The following BAHCC1 variants were observed in gnomAD, a reference collection of about 807,000 sequenced individuals.
BAHCC1 encodes BAH domain and coiled-coil containing 1.
A neutral mutation model predicts 88.2 loss-of-function variants in BAHCC1; 43 were observed. The ratio of observed to expected loss-of-function variants is 0.49; its 90% confidence interval spans 0.38 to 0.63. The LOEUF is 0.63. Among genes scored for constraint, BAHCC1 ranks in the 20% least tolerant of loss-of-function variants. The pLI is 0.00. For missense variants in BAHCC1, 3,023 were observed against 1,654.8 expected, an observed-to-expected ratio of 1.83 and a Z score of -14.34; for synonymous variants, 1,510 against 745.5, an observed-to-expected ratio of 2.03 and a Z score of -16.71.
chr17:81,401,072 A>G (rs2063810355), intron 2 of BAHCC1: 1 of 152,266 alleles, frequency 6.6e-6, no homozygotes. Flanking sequence ...AATACTAATA[A>G]AATTATATCT....
In BAHCC1 at chr17:81,411,514, G is replaced by GCCTTCCTGCCTT. The variant is rs2063952562; in HGVS notation, c.178+11604_178+11605insGCCTTCCTTCCT. ...TGCCTGCCTGCCTGCCTGCCTGCCT[G>GCCTTCCTGCCTT]CCTTCCTTCCTTCCTTCCTTCCTTC... is the stretch of plus-strand genomic sequence containing the variant. On this transcript the variant is annotated intron_variant, in intron 2 of 27. Coordinates refer to ENST00000675386, the MANE Select transcript of BAHCC1 (RefSeq NM_001377448.1). The surrounding 1 kb of genome is among the most constrained non-coding windows in gnomAD (Gnocchi z 6.2). 5.9e-6 allele frequency: 1 copy of GCCTTCCTGCCTT among 168,876 alleles called. No homozygotes were observed. Among genetic ancestry groups the GCCTTCCTGCCTT allele is most frequent in the African/African-American group, 5.3e-5 (1 of 18,966 alleles). The allele number at this position is 168,876 out of a possible 1,614,324, so 10.5% of individuals were successfully genotyped here.
chr17:81,419,423 G>T (rs916490173), intron 2 of BAHCC1, among the ~76,000 whole-genome samples: 2 of 152,264 alleles, frequency 1.3e-5, no homozygotes, highest in South Asian at 4.1e-4. Flanking sequence ...GCCAGCAGGG[G>T]GGCTGCTCCT....
Position 81,443,123 on chromosome 17 carries a change from A to G in BAHCC1, c.1774A>G (p.Thr592Ala). The G allele has an allele frequency of 1.3e-6, 1 of 777,844 alleles. No individual in the cohort carries two copies. Among genetic ancestry groups the G allele is most frequent in the Non-Finnish European group, 2.4e-6 (1 of 417,094 alleles). The allele number at this position is 777,844 out of a possible 1,614,324, so 48.2% of individuals were successfully genotyped here. The stretch of plus-strand genomic sequence containing the variant: ...ATGGGGTGTCCAGGCAGGCCAGGGC[A>G]CCGCCATGGCCATCAGCGAGGAGCG... ...PPWGVQAGQG[T>A]AMAISEERKA... The change falls in exon 5 of 28, where the codon ACC becomes GCC. Residue 592 changes from threonine to alanine, a missense_variant. Physicochemically the swap from Thr to Ala is moderately conservative, Grantham distance 58 (BLOSUM62 0). Coordinates refer to ENST00000675386, the MANE Select transcript of BAHCC1 (RefSeq NM_001377448.1).
chr17:81,411,362 G>A lies in BAHCC1; in HGVS notation c.178+11445G>A, dbSNP rs928909469. On this transcript the variant is annotated intron_variant, in intron 2 of 27. Coordinates refer to ENST00000675386, the MANE Select transcript of BAHCC1 (RefSeq NM_001377448.1). The surrounding 1 kb of genome is among the most constrained non-coding windows in gnomAD (Gnocchi z 6.2). ...TGAGGCTGGAGAGACGGGAGGCACC[G>A]GTGCCCTGTGGGTGGGAGCACTGCT... Among the ~76,000 whole-genome samples, 11 of 151,696 alleles carry A rather than the reference G, an allele frequency of 7.3e-5. No individual in the cohort carries two copies. The highest frequency in any genetic ancestry group is 5.9e-4 in the East Asian group (3 of 5,094).
Position 81,443,008 on chromosome 17 carries a change from C to T in BAHCC1, c.1659C>T (p.Ala553=), listed in dbSNP as rs550640334. 56 of 778,558 alleles carry T rather than the reference C, an allele frequency of 7.2e-5. No individual in the cohort carries two copies. Among genetic ancestry groups the T allele is most frequent in the East Asian group, 7.3e-5 (3 of 41,258 alleles). The allele number at this position is 778,558 out of a possible 1,614,324, so 48.2% of individuals were successfully genotyped here. Reference sequence around the variant, plus strand: ...GGCACCAGCAGCACTTGATGGCCGCCGAGGTGGAGCAGGGGGGCATTGGGG... The same window carrying T: ...GGCACCAGCAGCACTTGATGGCCGCTGAGGTGGAGCAGGGGGGCATTGGGG... ...RIRHQQHLMA[A]EVEQGGIGAE... The change falls in exon 5 of 28, where the codon GCC becomes GCT. Residue 553 remains alanine, a synonymous_variant. Transcript: ENST00000675386.
chr17:81,445,373 A>G lies in BAHCC1; in HGVS notation c.2855A>G (p.His952Arg). The G allele has an allele frequency of 2.6e-6, 2 of 776,308 alleles. No individual in the cohort carries two copies. The highest frequency in any genetic ancestry group is 4.8e-6 in the Non-Finnish European group (2 of 416,894). 48.1% of individuals were successfully genotyped at this position (776,308 alleles called of 1,614,324 possible). Residue 952 changes from histidine to arginine, a missense_variant, in exon 10 of 28, where the codon CAC becomes CGC. By Grantham distance (29) the His-to-Arg change is conservative. Transcript: ENST00000675386. ...AQFQRKPEDQ[H>R]LDLEEPAQEK... is the part of the protein sequence containing the mutation. ...TGACAGCGGAAGCCCGAAGACCAGC[A>G]CCTGGATCTGGAGGAGCCCGCCCAG... is the stretch of plus-strand genomic sequence containing the variant.
In BAHCC1 at chr17:81,461,804, A is replaced by G; in HGVS notation, c.7141A>G (p.Ser2381Gly). ...GCCCGAGGCCCTGCGCTCCAAGGGCAGCGGCCCTCACGCGCATGCCCAGCG... is the reference window on the plus strand; with the variant it reads ...GCCCGAGGCCCTGCGCTCCAAGGGCGGCGGCCCTCACGCGCATGCCCAGCG... ...AQPEALRSKG[S>G]GPHAHAQRCF... Residue 2381 changes from serine to glycine, a missense_variant, in exon 26 of 28, where the codon AGC becomes GGC. Ser to Gly is a moderately conservative substitution (Grantham distance 56). Transcript: ENST00000675386. 1.4e-6 allele frequency: 1 copy of G among 716,424 alleles called. No homozygotes were observed. Among genetic ancestry groups the G allele is most frequent in the Non-Finnish European group, 2.6e-6 (1 of 384,346 alleles). 44.4% of individuals were successfully genotyped at this position (716,424 alleles called of 1,614,324 possible).
In BAHCC1 at chr17:81,465,676, T is replaced by G. The variant is rs1394276052; in HGVS notation, c.*1859T>G. On this transcript the variant is annotated 3_prime_UTR_variant, in exon 28 of 28. Transcript: ENST00000675386. Reference sequence around the variant, plus strand: ...AATCCCAGGTCCCCTTGGCCCCCTATTTTTCTCGGGCCCATTGGGGCCTGT... The same window carrying G: ...AATCCCAGGTCCCCTTGGCCCCCTAGTTTTCTCGGGCCCATTGGGGCCTGT... 3 of 152,252 alleles carry G rather than the reference T, an allele frequency of 2.0e-5. No individual in the cohort carries two copies. Among genetic ancestry groups the G allele is most frequent in the East Asian group, 3.9e-4 (2 of 5,186 alleles). 9.4% of individuals were successfully genotyped at this position (152,252 alleles called of 1,614,324 possible). A position where few individuals can be genotyped will look rare whatever the true frequency, so the allele number is the denominator to read the frequency against.
rs149499666 is a variant in BAHCC1 at position 81,438,085 on chromosome 17, G to A, written c.359-285G>A. 3.3e-3 allele frequency among the ~76,000 whole-genome samples: 508 copies of A among 152,334 alleles called. 6 individuals carry two copies. The highest frequency in any genetic ancestry group is 0.012 in the African/African-American group (480 of 41,584). On this transcript the variant is annotated intron_variant, in intron 3 of 27. Coordinates refer to ENST00000675386, the MANE Select transcript of BAHCC1 (RefSeq NM_001377448.1). ...TTTGTTGCCCAGCCTGGGAGCTTCCGCGATCCTGAGTGCTGCTAGGAGGGA... is the reference window on the plus strand; with the variant it reads ...TTTGTTGCCCAGCCTGGGAGCTTCCACGATCCTGAGTGCTGCTAGGAGGGA...
At chr17:81,410,152 C>T (rs1289663297) in intron 2 of BAHCC1, 2 of 257,326 alleles carry the variant, frequency 7.8e-6, no homozygotes, top group Admixed American at 9.0e-5. Context: ...TGTGGCCGTC[C>T]GTGTCACCTG....
At chr17:81,423,118 C>T (rs1218488305) in intron 2 of BAHCC1, among the ~76,000 whole-genome samples, 1 of 152,162 alleles carries the variant, frequency 6.6e-6, no homozygotes, top group East Asian at 1.9e-4. Context: ...GCTCCACAGT[C>T]CCTTGGGCCG....
At chr17:81,429,783 G>C (rs1356630769) in intron 3 of BAHCC1, among the ~76,000 whole-genome samples, 1 of 152,204 alleles carries the variant, frequency 6.6e-6, no homozygotes, top group Admixed American at 6.5e-5. Flanking sequence ...TTCGTTGAGG[G>C]TAGGTAGGCC....
chr17:81,435,580 C>T lies in BAHCC1; in HGVS notation c.359-2790C>T, dbSNP rs1365462068. ...GGAAGGGGAGGTTCTGGAGCCCCGACGTTCTAGCAGGAGCTTGCAGTTGAG... is the reference window on the plus strand; with the variant it reads ...GGAAGGGGAGGTTCTGGAGCCCCGATGTTCTAGCAGGAGCTTGCAGTTGAG... On this transcript the variant is annotated intron_variant, in intron 3 of 27. Transcript: ENST00000675386. The surrounding 1 kb of genome is among the most constrained non-coding windows in gnomAD (Gnocchi z 4.4). 2 of 448,398 alleles carry T rather than the reference C, an allele frequency of 4.5e-6. No individual in the cohort carries two copies. Among genetic ancestry groups the T allele is most frequent in the Non-Finnish European group, 9.3e-6 (2 of 215,544 alleles). The allele number at this position is 448,398 out of a possible 1,614,324, so 27.8% of individuals were successfully genotyped here.
intron 2 of BAHCC1, among the ~76,000 whole-genome samples, chr17:81,409,907 C>T (rs1295755221): frequency 1.3e-5 from 2 of 152,164 alleles, no homozygotes; most frequent in Non-Finnish European, 2.9e-5. Flanking sequence ...TCTTCAGGCC[C>T]GGGAGAGCAC....
At position 81,461,998 on chromosome 17, in the gene BAHCC1, C is replaced by T; in HGVS notation, c.7335C>T (p.Ala2445=). The part of the protein sequence containing the change: ...PSVENRPKIS[A]FLPARQLWKW... ...TGGAAAACCGGCCAAAGATCTCAGC[C>T]TTCCTGCCCGCCCGGCAGCTCTGGA... Residue 2445 remains alanine (A), a synonymous_variant, in exon 26 of 28, where the codon GCC becomes GCT. Transcript: ENST00000675386. The T allele has an allele frequency of 1.3e-6, 1 of 778,140 alleles. No individual in the cohort carries two copies. The highest frequency in any genetic ancestry group is 1.3e-5 in the South Asian group (1 of 74,204). The allele number at this position is 778,140 out of a possible 1,614,324, so 48.2% of individuals were successfully genotyped here. A position where few individuals can be genotyped will look rare whatever the true frequency, so the allele number is the denominator to read the frequency against.
chr17:81,437,390 T>A (rs2064351238), intron 3 of BAHCC1, among the ~76,000 whole-genome samples: 1 of 152,140 alleles, frequency 6.6e-6, no homozygotes, highest in Non-Finnish European at 1.5e-5. Context: ...GCCAGTGGCC[T>A]GGGGTCTTGC....
Position 81,411,517 on chromosome 17 carries a change from T to TTCCTTCCTTCCTTCCTTCCA in BAHCC1, c.178+11619_178+11620insATCCTTCCTTCCTTCCTTCC, listed in dbSNP as rs1567998077. On this transcript the variant is annotated intron_variant, in intron 2 of 27. Coordinates refer to ENST00000675386, the MANE Select transcript of BAHCC1 (RefSeq NM_001377448.1). This position sits in a 1 kb window ranked among gnomAD's most constrained non-coding sequence, Gnocchi z 6.2. Reference sequence around the variant, plus strand: ...CTGCCTGCCTGCCTGCCTGCCTGCCTTCCTTCCTTCCTTCCTTCCTTCCTT... The same window carrying TTCCTTCCTTCCTTCCTTCCA: ...CTGCCTGCCTGCCTGCCTGCCTGCCTTCCTTCCTTCCTTCCTTCCATCCTTCCTTCCTTCCTTCCTTCCTT... 2.7e-5 allele frequency: 3 copies of TTCCTTCCTTCCTTCCTTCCA among 112,582 alleles called. No individual in the cohort carries two copies. The Admixed American group carries it at 3.8e-4, about 14-fold the overall frequency. The allele number at this position is 112,582 out of a possible 1,614,324, so 7.0% of individuals were successfully genotyped here.
intron 2 of BAHCC1, chr17:81,415,480 G>T (rs1277961280): frequency 4.0e-6 from 2 of 504,270 alleles, no homozygotes; most frequent in East Asian, 1.2e-4. Flanking sequence ...GGAGCCAGCT[G>T]TACCAAAAGC....
In BAHCC1 at chr17:81,444,923, G is replaced by A. The variant is rs551444947; in HGVS notation, c.2672-92G>A. 1.5e-4 allele frequency: 105 copies of A among 685,692 alleles called. 1 individual carries two copies. Among genetic ancestry groups the A allele is most frequent in the Admixed American group, 1.3e-3 (53 of 42,366 alleles). 42.5% of individuals were successfully genotyped at this position (685,692 alleles called of 1,614,324 possible). ...GGCCAGGGCTCAGGAGGGAGCGGTG[G>A]GCTTGGTGGGCTGAGGAAAGGGTGG... On this transcript the variant is annotated intron_variant, in intron 8 of 27. Coordinates refer to ENST00000675386, the MANE Select transcript of BAHCC1 (RefSeq NM_001377448.1).
Sources: gnomAD v4.1 joint callset for allele counts (sites outside exome capture counted in the v4.1 genomes callset) on GRCh38, gnomAD v4.1.1 for gene constraint, Gnocchi (gnomAD v3.1) non-coding constraint, MANE v1.5 for transcripts, NCBI Gene and HGNC (gene_info 2026-07-23, HGNC 2026-07-21) for gene names.